UNC13C: variants seen among roughly 807,000 people sequenced by gnomAD.
UNC13C encodes the protein protein unc-13 homolog C.
UNC13C carries 174 observed loss-of-function variants against 245.4 expected under a neutral mutation model. The observed-to-expected ratio is 0.71, with a 90% CI of 0.63 to 0.80. UNC13C has a LOEUF of 0.80. Among genes scored for constraint, UNC13C ranks in the 30% least tolerant of loss-of-function variants. The probability of loss-of-function intolerance (pLI) is 0.00; values close to 1 mark genes in which losing one functional copy is unlikely to be tolerated. For synonymous variants in UNC13C, 992 were observed against 895.1 expected (o/e 1.11, Z -1.93); for missense variants, 2,829 against 2,602.9 (o/e 1.09, Z -1.89).
At chr15:54,068,559 G>A (rs933557904) in intron 2 of UNC13C, among the ~76,000 whole-genome samples, 3 of 152,168 alleles carry the variant, frequency 2.0e-5, no homozygotes, top group East Asian at 1.9e-4. Flanking sequence ...TTGGCAAAGC[G>A]TGTATTTATT....
At chr15:54,439,301 A>G (rs565033972) in intron 19 of UNC13C, among the ~76,000 whole-genome samples, 1 of 151,996 alleles carries the variant, frequency 6.6e-6, no homozygotes, top group East Asian at 1.9e-4. Flanking sequence ...GTGTGTTACT[A>G]CTCCCAAAAG....
Position 54,525,645 on chromosome 15 carries a change from G to T in UNC13C, c.5546+8G>T. The T allele has an allele frequency of 6.2e-7, 1 of 1,606,996 alleles. No homozygotes were observed. The highest frequency in any genetic ancestry group is 8.5e-7 in the Non-Finnish European group (1 of 1,175,752). The stretch of plus-strand genomic sequence containing the variant: ...CGTCACTTATGGTGAAAGGTAAGTG[G>T]CCTCTGTTGTCATTATCTAAATTAG... On this transcript the variant is annotated splice_region_variant and intron_variant, in intron 25 of 32. Coordinates refer to ENST00000260323, the MANE Select transcript of UNC13C (RefSeq NM_001080534.3).
chr15:54,376,781 G>A (rs1421144364), intron 17 of UNC13C, among the ~76,000 whole-genome samples: 1 of 152,200 alleles, frequency 6.6e-6, no homozygotes, highest in South Asian at 2.1e-4. Context: ...ACATATTTGA[G>A]AATTGTCCCA....
At chr15:54,538,222 C>G (rs892209405) in intron 26 of UNC13C, among the ~76,000 whole-genome samples, 2 of 135,390 alleles carry the variant, frequency 1.5e-5, no homozygotes, top group Non-Finnish European at 3.2e-5. Context: ...GACATACAAG[C>G]AGCTAACAAG....
At chr15:53,986,779 A>C (rs1278592249) in intron 1 of UNC13C, among the ~76,000 whole-genome samples, 1 of 151,996 alleles carries the variant, frequency 6.6e-6, no homozygotes, top group Non-Finnish European at 1.5e-5. Flanking sequence ...AATTTACTGT[A>C]CTACTTAACA....
chr15:54,231,078 A>C (rs923489366), intron 4 of UNC13C, among the ~76,000 whole-genome samples: 1 of 152,008 alleles, frequency 6.6e-6, no homozygotes, highest in Non-Finnish European at 1.5e-5. Flanking sequence ...AGAACACTTG[A>C]ATACTTGGGC....
intron 1 of UNC13C, among the ~76,000 whole-genome samples, chr15:54,010,356 A>C (rs893491972): frequency 7.9e-5 from 12 of 152,222 alleles, no homozygotes; most frequent in African/African-American, 2.9e-4. Flanking sequence ...TTGAGAGTAC[A>C]ATGCAGGAGC....
rs1038708590 is a variant in UNC13C, at chr15:54,607,573, G to C, written c.6107-14754G>C. The stretch of plus-strand genomic sequence containing the variant: ...CAAGGTATTAGTCCATTCTCACACT[G>C]CTATAAAGAACTACCTGAGACCATG... On this transcript the variant is annotated intron_variant, in intron 30 of 32. Transcript: ENST00000260323. 6.1e-4 allele frequency among the ~76,000 whole-genome samples: 93 copies of C among 152,060 alleles called. 1 individual carries two copies. The highest frequency in any genetic ancestry group is 2.0e-3 in the African/African-American group (83 of 41,402).
chr15:54,355,306 C>T (rs1291048838), intron 17 of UNC13C, among the ~76,000 whole-genome samples: 1 of 152,150 alleles, frequency 6.6e-6, no homozygotes, highest in Non-Finnish European at 1.5e-5. Context: ...ATGCAGTCTA[C>T]ACATGTCATG....
At chr15:54,452,499 G>T (rs576274389) in intron 19 of UNC13C, among the ~76,000 whole-genome samples, 1 of 152,306 alleles carries the variant, frequency 6.6e-6, no homozygotes, top group South Asian at 2.1e-4. Context: ...CCCATCTTCA[G>T]CTGCTGAGAG....
intron 19 of UNC13C, among the ~76,000 whole-genome samples, chr15:54,488,283 C>T (rs1467597757): frequency 6.6e-6 from 1 of 152,134 alleles, no homozygotes; most frequent in Non-Finnish European, 1.5e-5. Flanking sequence ...CACACAATAG[C>T]TAGTAAAACA....
At chr15:54,308,377 T>A (rs539335357) in intron 13 of UNC13C, among the ~76,000 whole-genome samples, 71 of 152,050 alleles carry the variant, frequency 4.7e-4, no homozygotes, top group Admixed American at 3.7e-3. Context: ...TAAATTTTTT[T>A]AAAAATTGAT....
chr15:54,371,944 G>A (rs2039495687), intron 17 of UNC13C, among the ~76,000 whole-genome samples: 1 of 151,984 alleles, frequency 6.6e-6, no homozygotes, highest in Non-Finnish European at 1.5e-5. Context: ...GGCTGAGGGA[G>A]GGGAGATTGG....
intron 17 of UNC13C, among the ~76,000 whole-genome samples, chr15:54,381,555 T>G (rs574138181): frequency 2.6e-5 from 4 of 152,262 alleles, no homozygotes; most frequent in African/African-American, 9.6e-5. Flanking sequence ...ATATAGATAT[T>G]TTAACAATAC....
intron 7 of UNC13C, among the ~76,000 whole-genome samples, chr15:54,244,211 C>T (rs1308668577): frequency 6.6e-6 from 1 of 152,148 alleles, no homozygotes; most frequent in Non-Finnish European, 1.5e-5. Context: ...AGCCAGTTCT[C>T]TAGCACCATT....
intron 4 of UNC13C, among the ~76,000 whole-genome samples, chr15:54,145,973 G>A (rs758650534): frequency 1.2e-4 from 18 of 152,000 alleles, no homozygotes; most frequent in Non-Finnish European, 2.4e-4. Context: ...CTCTTTCAAC[G>A]ACTTTCTAAG....
the UNC13C span, among the ~76,000 whole-genome samples, chr15:53,909,968 G>A: frequency 7.1e-6 from 1 of 140,618 alleles, no homozygotes; most frequent in Non-Finnish European, 1.6e-5. Context: ...TGAAGTTTCT[G>A]TATTTTCATG....
At chr15:54,594,566 T>C (rs1898968664) in intron 30 of UNC13C, among the ~76,000 whole-genome samples, 1 of 152,090 alleles carries the variant, frequency 6.6e-6, no homozygotes, top group Non-Finnish European at 1.5e-5. Flanking sequence ...AGGAGGATTA[T>C]AGCTGCCTCT....
chr15:54,074,861 CT>C (rs35476938), intron 2 of UNC13C, among the ~76,000 whole-genome samples: 29,706 of 151,866 alleles, frequency 0.2, 3,042 homozygotes, highest in Admixed American at 0.29. Context: ...TTTGAATACC[CT>C]TTATTTCTTT....
Sources: allele counts gnomAD v4.1 joint callset (sites outside exome capture counted in the v4.1 genomes callset), GRCh38; gene constraint gnomAD v4.1.1; transcripts MANE v1.5; gene names NCBI Gene and HGNC (gene_info 2026-07-23, HGNC 2026-07-21).